The following MARCHF3 variants were observed in gnomAD, a reference collection of about 807,000 sequenced individuals.
The protein encoded by MARCHF3 is membrane associated ring-CH-type finger 3.
MARCHF3 carries 13 observed loss-of-function variants against 24.2 expected under a neutral mutation model. That is an observed-to-expected ratio of 0.54 (90% CI 0.35 to 0.85). MARCHF3 has a LOEUF of 0.85. Among genes scored for constraint, MARCHF3 ranks in the 40% least tolerant of loss-of-function variants. The pLI, the probability that MARCHF3 is intolerant of heterozygous loss-of-function variation, is 0.01. For synonymous variants in MARCHF3, 144 were observed against 137.3 expected (o/e 1.05, Z -0.34); for missense variants, 276 against 325.0 (o/e 0.85, Z 1.16).
chr5:126,959,945 G>A (rs559036199), intron 1 of MARCHF3, among the ~76,000 whole-genome samples: 1 of 152,228 alleles, frequency 6.6e-6, no homozygotes, highest in South Asian at 2.1e-4. Context: ...AAGGCACTCA[G>A]TTATGCTCTA....
intron 1 of MARCHF3, among the ~76,000 whole-genome samples, chr5:126,952,754 G>A (rs1750297403): frequency 6.6e-6 from 1 of 151,980 alleles, no homozygotes; most frequent in African/African-American, 2.4e-5. Context: ...TGGGGAAACT[G>A]GCCCTATTTC....
chr5:126,957,321 T>A lies in MARCHF3; in HGVS notation c.-56-39094A>T, dbSNP rs924974149. On this transcript the variant is annotated intron_variant, in intron 1 of 4. Coordinates refer to ENST00000308660, the MANE Select transcript of MARCHF3 (RefSeq NM_178450.5). ...TATGTTTAACTTTAAAAACATTCAG[T>A]TATTTGTCTTCTAATTTTGTTTACA... 9.8e-4 allele frequency among the ~76,000 whole-genome samples: 150 copies of A among 152,314 alleles called. 1 individual carries two copies. The highest frequency in any genetic ancestry group is 3.3e-3 in the African/African-American group (137 of 41,584).
At chr5:126,904,533 G>C (rs1484435717) in intron 3 of MARCHF3, among the ~76,000 whole-genome samples, 1 of 149,098 alleles carries the variant, frequency 6.7e-6, no homozygotes, top group Non-Finnish European at 1.5e-5. Flanking sequence ...GTATCTCATT[G>C]TGGCTTTGAT....
At chr5:126,939,012 A>T (rs1312849340) in intron 1 of MARCHF3, among the ~76,000 whole-genome samples, 1 of 152,206 alleles carries the variant, frequency 6.6e-6, no homozygotes, top group Non-Finnish European at 1.5e-5. Context: ...TACATTGGTC[A>T]CTAAAGTTGC....
chr5:126,926,723 C>T (rs1279762025), intron 1 of MARCHF3, among the ~76,000 whole-genome samples: 2 of 152,006 alleles, frequency 1.3e-5, no homozygotes, highest in African/African-American at 4.8e-5. Flanking sequence ...TGAACCACCA[C>T]CCAGCTGCTT....
At chr5:126,892,494 A>G (rs968184384) in intron 3 of MARCHF3, among the ~76,000 whole-genome samples, 1 of 148,336 alleles carries the variant, frequency 6.7e-6, no homozygotes, top group Admixed American at 6.7e-5. Context: ...AGTTTTTAGC[A>G]TGAAGGGTTG....
intron 4 of MARCHF3, among the ~76,000 whole-genome samples, chr5:126,872,249 AG>A (rs1753001092): frequency 6.6e-6 from 1 of 150,912 alleles, no homozygotes; most frequent in African/African-American, 2.4e-5. Context: ...TAGTAGAGAC[AG>A]GGTTTCTCCA....
chr5:126,899,207 A>T, intron 3 of MARCHF3: 1 of 985,310 alleles, frequency 1.0e-6, no homozygotes, highest in Non-Finnish European at 1.2e-6. Flanking sequence ...AATGAGGAGG[A>T]CGGCAAAGCC....
chr5:126,873,616 C>T (rs772883873), intron 4 of MARCHF3, among the ~76,000 whole-genome samples: 15 of 152,288 alleles, frequency 9.8e-5, no homozygotes, highest in South Asian at 2.1e-4. Context: ...AAGCCTGAGA[C>T]GCACTGCTTC....
chr5:126,976,788 C>A (rs758800719), intron 1 of MARCHF3, among the ~76,000 whole-genome samples: 5 of 152,354 alleles, frequency 3.3e-5, no homozygotes, highest in Non-Finnish European at 5.9e-5. Context: ...CCGATCCTGG[C>A]AGCAGGGAGA....
intron 1 of MARCHF3, among the ~76,000 whole-genome samples, chr5:126,937,774 G>C (rs575038319): frequency 4.6e-5 from 7 of 152,294 alleles, no homozygotes; most frequent in Admixed American, 2.0e-4. Context: ...TGAGAAGAAA[G>C]AGTAGGGAAA....
intron 1 of MARCHF3, among the ~76,000 whole-genome samples, chr5:126,924,529 C>G (rs975290101): frequency 5.3e-5 from 8 of 152,164 alleles, no homozygotes; most frequent in Non-Finnish European, 8.8e-5. Flanking sequence ...GAACATTCCT[C>G]TGGCTTTTCA....
chr5:127,007,889 G>A (rs953156437), intron 1 of MARCHF3, among the ~76,000 whole-genome samples: 3 of 151,754 alleles, frequency 2.0e-5, no homozygotes, highest in African/African-American at 7.3e-5. Context: ...TAAATATATG[G>A]GCAATATATT....
At position 126,869,612 on chromosome 5, in the gene MARCHF3, C is replaced by G. The variant is rs1272941460; in HGVS notation, c.*1021G>C. The G allele has an allele frequency of 1.0e-5, 1 of 98,296 alleles. No homozygotes were observed. The highest frequency in any genetic ancestry group is 4.6e-5 in the African/African-American group (1 of 21,740). 6.1% of individuals were successfully genotyped at this position (98,296 alleles called of 1,614,324 possible). ...TTTTTTTTTTTTTTTTTTGCCACATCTACCTGTCAAGCTAGAAATTCAATA... is the reference window on the plus strand; with the variant it reads ...TTTTTTTTTTTTTTTTTTGCCACATGTACCTGTCAAGCTAGAAATTCAATA... On this transcript the variant is annotated 3_prime_UTR_variant, in exon 5 of 5. Coordinates refer to ENST00000308660, the MANE Select transcript of MARCHF3 (RefSeq NM_178450.5).
chr5:127,001,847 A>G (rs1438700980), intron 1 of MARCHF3, among the ~76,000 whole-genome samples: 1 of 152,240 alleles, frequency 6.6e-6, no homozygotes, highest in African/African-American at 2.4e-5. Flanking sequence ...GGCCACTGAT[A>G]TAACATGCAG....
chr5:126,916,688 G>GAC (rs756972169), intron 2 of MARCHF3, among the ~76,000 whole-genome samples: 1,152 of 76,348 alleles, frequency 0.015, 11 homozygotes, highest in East Asian at 0.057. Context: ...CAGACAGACA[G>GAC]ACAGACACAC....
At chr5:126,971,217 A>G (rs1750997244) in intron 1 of MARCHF3, among the ~76,000 whole-genome samples, 1 of 152,086 alleles carries the variant, frequency 6.6e-6, no homozygotes, top group Non-Finnish European at 1.5e-5. Context: ...TGGGAGGCCG[A>G]GGCGGGCAGA....
chr5:126,889,461 A>G (rs180778219), intron 3 of MARCHF3, among the ~76,000 whole-genome samples: 19 of 152,140 alleles, frequency 1.2e-4, no homozygotes, highest in Admixed American at 5.2e-4. Flanking sequence ...GTGTAGTGAG[A>G]ATGTGAGTAA....
intron 4 of MARCHF3, among the ~76,000 whole-genome samples, chr5:126,874,066 G>A (rs947046189): frequency 1.1e-4 from 16 of 152,204 alleles, no homozygotes; most frequent in African/African-American, 3.9e-4. Context: ...TTGAGTTTAG[G>A]AGAGAGGAGG....
Sources: gnomAD v4.1 joint callset for allele counts (sites outside exome capture counted in the v4.1 genomes callset) on GRCh38, gnomAD v4.1.1 for gene constraint, MANE v1.5 for transcripts, NCBI Gene and HGNC (gene_info 2026-07-23, HGNC 2026-07-21) for gene names.